CADPS2: variants seen among roughly 807,000 people sequenced by gnomAD.
The protein encoded by CADPS2 is calcium dependent secretion activator 2, also known as calcium-dependent secretion activator 2.
A neutral mutation model predicts 172.5 loss-of-function variants in CADPS2; 93 were observed. The ratio of observed to expected loss-of-function variants is 0.54; its 90% CI spans 0.46 to 0.64. The LOEUF (loss-of-function observed/expected upper bound fraction) is 0.64. Among genes scored for constraint, CADPS2 ranks in the 30% least tolerant of loss-of-function variants. CADPS2 has a pLI of 0.00. For missense variants in CADPS2, 1,420 were observed against 1,565.9 expected, an observed-to-expected ratio of 0.91 and a Z score of 1.57; for synonymous variants, 546 against 555.2, an observed-to-expected ratio of 0.98 and a Z score of 0.23.
At chr7:122,436,367 C>T (rs1348012570) in intron 17 of CADPS2, 8 of 1,279,610 alleles carry the variant, frequency 6.3e-6, no homozygotes, top group Non-Finnish European at 8.1e-6. Flanking sequence ...TACCTGTTTC[C>T]TTTTCTGCTG....
chr7:122,645,300 CAT>C (rs1385961174), intron 3 of CADPS2, among the ~76,000 whole-genome samples: 4 of 134,282 alleles, frequency 3.0e-5, no homozygotes, highest in Admixed American at 2.2e-4. Flanking sequence ...CATATATACA[CAT>C]ATGTACATGT....
intron 17 of CADPS2, among the ~76,000 whole-genome samples, chr7:122,423,647 G>A (rs2151830884): frequency 6.6e-6 from 1 of 152,344 alleles, no homozygotes; most frequent in South Asian, 2.1e-4. Flanking sequence ...TTCCACAAGT[G>A]TTGGACTATG....
intron 15 of CADPS2, 116 bp downstream of exon 15, chr7:122,451,258 G>A (rs2053061552): frequency 2.2e-6 from 1 of 456,732 alleles, no homozygotes; most frequent in Non-Finnish European, 3.8e-6. Flanking sequence ...GCAGGCAAGG[G>A]AGGGCTACTG....
intron 3 of CADPS2, among the ~76,000 whole-genome samples, chr7:122,645,453 ATGTATATATG>A (rs1336995528): frequency 2.3e-5 from 2 of 87,068 alleles, no homozygotes; most frequent in East Asian, 2.6e-4. Context: ...ACACACACAT[ATGTATATATG>A]TGTATATATG....
In CADPS2 at chr7:122,562,245, G is replaced by A. The variant is rs1247928567; in HGVS notation, c.1336-7556C>T. Among the ~76,000 whole-genome samples the A allele has an allele frequency of 2.5e-4, 38 of 152,132 alleles. 1 individual carries two copies. The highest frequency in any genetic ancestry group is 2.5e-3 in the Admixed American group (38 of 15,264). On this transcript the variant is annotated intron_variant, in intron 7 of 29. Coordinates refer to ENST00000449022, the MANE Select transcript of CADPS2 (RefSeq NM_017954.11). ...GAATTAAGGTAGCAGGTGAAATTAA[G>A]ATTGCTAACTAGGCAATTATTCACC...
At chr7:122,372,691 TGTTGA>T (rs1387629282) in intron 25 of CADPS2, among the ~76,000 whole-genome samples, 2 of 152,216 alleles carry the variant, frequency 1.3e-5, no homozygotes, top group African/African-American at 2.4e-5. Flanking sequence ...ATCTACTTTA[TGTTGA>T]GTTAATTATT....
chr7:122,446,248 C>G (rs2052179718), intron 15 of CADPS2, among the ~76,000 whole-genome samples: 1 of 152,076 alleles, frequency 6.6e-6, no homozygotes, highest in South Asian at 2.1e-4. Context: ...TCATATTTTA[C>G]TATTTTTCTA....
chr7:122,809,799 C>A (rs529256274), intron 1 of CADPS2, among the ~76,000 whole-genome samples: 1 of 152,276 alleles, frequency 6.6e-6, no homozygotes, highest in Non-Finnish European at 1.5e-5. Context: ...AGTGTCCAGT[C>A]CACCCTCATA....
At chr7:122,566,011 C>G (rs551448341) in intron 7 of CADPS2, among the ~76,000 whole-genome samples, 14 of 152,246 alleles carry the variant, frequency 9.2e-5, no homozygotes, top group African/African-American at 3.4e-4. Flanking sequence ...TTTTTAGATT[C>G]TACATGTAAG....
At chr7:122,495,830 TA>T (rs1420364531) in intron 9 of CADPS2, among the ~76,000 whole-genome samples, 1 of 152,178 alleles carries the variant, frequency 6.6e-6, no homozygotes, top group African/African-American at 2.4e-5. Context: ...TAAATCTTTT[TA>T]TTTTTTGCCA....
intron 29 of CADPS2, among the ~76,000 whole-genome samples, chr7:122,321,933 A>G (rs1049007289): frequency 6.6e-6 from 1 of 152,240 alleles, no homozygotes; most frequent in Non-Finnish European, 1.5e-5. Flanking sequence ...TTTGTGGGAT[A>G]TGATTTTGTC....
intron 13 of CADPS2, among the ~76,000 whole-genome samples, chr7:122,473,494 A>T (rs2056241024): frequency 1.3e-5 from 2 of 152,204 alleles, no homozygotes. Context: ...CTCACCTTGT[A>T]CATATAATGC....
chr7:122,582,908 T>C (rs1019577887), intron 6 of CADPS2, among the ~76,000 whole-genome samples: 5 of 152,082 alleles, frequency 3.3e-5, no homozygotes, highest in Non-Finnish European at 7.4e-5. Context: ...TTTCCTCTAA[T>C]TTCAAAATCC....
Position 122,705,727 on chromosome 7 carries a change from ATATAT to A in CADPS2, c.453+31223_453+31227del, listed in dbSNP as rs1423299771. Among the ~76,000 whole-genome samples, 12 of 14,600 alleles carry A rather than the reference ATATAT, an allele frequency of 8.2e-4. 5 individuals carry two copies. The highest frequency in any genetic ancestry group is 2.0e-3 in the African/African-American group (11 of 5,516). The allele number at this position is 14,600 out of a possible 152,430, so 9.6% of individuals were successfully genotyped here. Reference sequence around the variant, plus strand: ...TATATCATATATTATATAATATATCATATATTATATAATATATAATATATATAATA... The same window carrying A: ...TATATCATATATTATATAATATATCATATATAATATATAATATATATAATA... On this transcript the variant is annotated intron_variant, in intron 2 of 29. Coordinates refer to ENST00000449022, the MANE Select transcript of CADPS2 (RefSeq NM_017954.11).
chr7:122,538,821 T>G (rs1284475153), intron 8 of CADPS2, among the ~76,000 whole-genome samples: 1 of 152,032 alleles, frequency 6.6e-6, no homozygotes, highest in African/African-American at 2.4e-5. Flanking sequence ...CAAGGACAAC[T>G]ACTGGAACAC....
intron 17 of CADPS2, among the ~76,000 whole-genome samples, chr7:122,434,183 T>A (rs1025536872): frequency 4.6e-5 from 7 of 152,244 alleles, no homozygotes; most frequent in Admixed American, 3.3e-4. Context: ...TACAATGTGC[T>A]GTCATAAGAG....
At chr7:122,834,851 C>T (rs1056482866) in intron 1 of CADPS2, among the ~76,000 whole-genome samples, 2 of 152,228 alleles carry the variant, frequency 1.3e-5, no homozygotes, top group Non-Finnish European at 2.9e-5. Flanking sequence ...TAGACTCCAC[C>T]TCTGGGGGCA....
chr7:122,481,065 C>T (rs1339008873), intron 11 of CADPS2, among the ~76,000 whole-genome samples: 1 of 151,842 alleles, frequency 6.6e-6, no homozygotes, highest in Admixed American at 6.6e-5. Flanking sequence ...GATGAAACTA[C>T]TCTCTGGAGG....
At chr7:122,857,315 T>C (rs1290348376) in intron 1 of CADPS2, among the ~76,000 whole-genome samples, 4 of 152,220 alleles carry the variant, frequency 2.6e-5, no homozygotes, top group African/African-American at 9.6e-5. Context: ...TATAGGCGTA[T>C]ATTATTTCTT....
Sources: gnomAD v4.1 joint callset for allele counts (sites outside exome capture counted in the v4.1 genomes callset) on GRCh38, gnomAD v4.1.1 for gene constraint, MANE v1.5 for transcripts, NCBI Gene and HGNC (gene_info 2026-07-23, HGNC 2026-07-21) for gene names.